MFAP3L: variants seen among roughly 807,000 people sequenced by gnomAD.
MFAP3L encodes microfibril associated protein 3 like.
A neutral mutation model predicts 20.0 loss-of-function variants in MFAP3L; 5 were observed. That is an observed-to-expected ratio of 0.25 (90% CI 0.13 to 0.53). MFAP3L has a LOEUF of 0.53. Ranked by LOEUF, MFAP3L falls within the 20% of genes least tolerant of loss-of-function variation. The pLI is 0.96. For synonymous variants in MFAP3L, 219 were observed against 213.0 expected, an observed-to-expected ratio of 1.03 and a Z score of -0.25; for missense variants, 409 against 527.5, an observed-to-expected ratio of 0.78 and a Z score of 2.20.
chr4:170,020,934 T>A (rs1356798821), intron 1 of MFAP3L, among the ~76,000 whole-genome samples: 2 of 152,110 alleles, frequency 1.3e-5, no homozygotes, highest in African/African-American at 4.8e-5. Flanking sequence ...TCTCAGGTTG[T>A]CACTACCTGT....
At chr4:170,019,494 T>C (rs1319441916) in intron 1 of MFAP3L, among the ~76,000 whole-genome samples, 2 of 152,092 alleles carry the variant, frequency 1.3e-5, no homozygotes, top group Admixed American at 6.5e-5. Context: ...CAGTGAGCCA[T>C]GATCATGCCA....
chr4:170,010,456 C>G (rs1739303559), intron 1 of MFAP3L, among the ~76,000 whole-genome samples: 1 of 151,994 alleles, frequency 6.6e-6, no homozygotes, highest in African/African-American at 2.4e-5. Context: ...ACTGAGTGTG[C>G]CTGCCTCTCC....
intron 1 of MFAP3L, among the ~76,000 whole-genome samples, chr4:170,015,098 G>A (rs770314982): frequency 1.1e-4 from 16 of 152,276 alleles, no homozygotes; most frequent in Non-Finnish European, 1.3e-4. Flanking sequence ...GATGGGTTGG[G>A]CTCTGAGGTT....
rs1737292587 is a variant in MFAP3L, at chr4:169,986,618, C to A, written c.*4760G>T. The A allele has an allele frequency of 6.6e-6, 1 of 152,166 alleles. No individual in the cohort carries two copies. The highest frequency in any genetic ancestry group is 2.4e-5 in the African/African-American group (1 of 41,430). The allele number at this position is 152,166 out of a possible 1,614,324, so 9.4% of individuals were successfully genotyped here. On this transcript the variant is annotated 3_prime_UTR_variant, in exon 3 of 3. Transcript: ENST00000361618. ...CACATTCCACACAGCTGTGCAAACC[C>A]TTTATTAAAGCATCAATCAAAATAC...
chr4:169,994,536 AAT>A (rs1737991741), intron 2 of MFAP3L: 1 of 974,902 alleles, frequency 1.0e-6, no homozygotes, highest in African/African-American at 1.8e-5. Context: ...AATATTTAAA[AAT>A]GTTTCTGAAC....
chr4:170,022,856 C>T (rs116832830), intron 1 of MFAP3L, among the ~76,000 whole-genome samples: 2,388 of 152,248 alleles, frequency 0.016, 60 homozygotes, highest in African/African-American at 0.055. Flanking sequence ...GAACAAGGCC[C>T]TGCAGAGTCT....
upstream of MFAP3L, chr4:170,026,565 G>C (rs1483977065): frequency 6.6e-6 from 1 of 151,232 alleles, no homozygotes; most frequent in South Asian, 1.9e-4. Context: ...AGTCGGTGCT[G>C]CGGAGCGGCC....
intron 2 of MFAP3L, among the ~76,000 whole-genome samples, chr4:170,003,180 C>T (rs182539519): frequency 6.5e-4 from 99 of 152,244 alleles, no homozygotes; most frequent in East Asian, 1.2e-3. Context: ...ACTAGTATCA[C>T]GAGTTCTTTT....
chr4:170,004,475 T>C (rs1295071868), intron 2 of MFAP3L, among the ~76,000 whole-genome samples: 1 of 152,184 alleles, frequency 6.6e-6, no homozygotes, highest in Non-Finnish European at 1.5e-5. Context: ...AAAAGCAATG[T>C]AAGTGACAGC....
At chr4:170,015,404 C>T (rs1175733611) in intron 1 of MFAP3L, among the ~76,000 whole-genome samples, 1 of 152,142 alleles carries the variant, frequency 6.6e-6, no homozygotes, top group East Asian at 1.9e-4. Context: ...GTTCTTGGTG[C>T]ACTGCTAAAA....
chr4:170,018,320 G>C (rs1399362725), intron 1 of MFAP3L, among the ~76,000 whole-genome samples: 1 of 152,234 alleles, frequency 6.6e-6, no homozygotes, highest in Admixed American at 6.5e-5. Context: ...GTTTTTGCAA[G>C]CATCATGCAG....
At chr4:170,021,828 T>C (rs1740055239) in intron 1 of MFAP3L, among the ~76,000 whole-genome samples, 1 of 152,214 alleles carries the variant, frequency 6.6e-6, no homozygotes, top group African/African-American at 2.4e-5. Context: ...GTTTATGTAG[T>C]ATTATAGCTG....
chr4:169,991,562 G>C lies in MFAP3L; in HGVS notation c.1046C>G (p.Ser349Trp). 1.2e-6 allele frequency: 2 copies of C among 1,614,152 alleles called. No individual in the cohort carries two copies. Among genetic ancestry groups the C allele is most frequent in the Non-Finnish European group, 1.7e-6 (2 of 1,180,026 alleles). The change falls in exon 3 of 3, where the codon TCG becomes TGG. Residue 349 changes from serine to tryptophan, a missense_variant. By Grantham distance (177) the Ser-to-Trp change is radical (BLOSUM62 -3). Around this residue, in one of 3 missense-constraint regions of MFAP3L, gnomAD observed 169 missense variants for 178.2 expected, o/e 0.95. Transcript: ENST00000361618. This position sits in a 1 kb window ranked among gnomAD's most constrained non-coding sequence, Gnocchi z 4.9. Reference sequence around the variant, plus strand: ...TGCAGTTTCGGGGGAATGTTCCGCCGACAGTTCTGTCTCCTCTACATCTTT... The same window carrying C: ...TGCAGTTTCGGGGGAATGTTCCGCCCACAGTTCTGTCTCCTCTACATCTTT... ...EVKDVEETEL[S>W]AEHSPETAEP... is the part of the protein sequence containing the mutation.
intron 2 of MFAP3L, among the ~76,000 whole-genome samples, chr4:170,002,711 T>C (rs1370286131): frequency 6.6e-6 from 1 of 152,058 alleles, no homozygotes; most frequent in African/African-American, 2.4e-5. Context: ...GGTTTCACCA[T>C]GTTGGCCAGG....
Position 169,992,008 on chromosome 4 carries a change from C to T in MFAP3L, c.600G>A (p.Lys200=), listed in dbSNP as rs1438928105. 3.7e-6 allele frequency: 6 copies of T among 1,614,068 alleles called. No homozygotes were observed. Among genetic ancestry groups the T allele is most frequent in the Non-Finnish European group, 5.1e-6 (6 of 1,180,052 alleles). The change falls in exon 3 of 3, where the codon AAG becomes AAA. Residue 200 remains lysine (K), a synonymous_variant. Coordinates refer to ENST00000361618, the MANE Select transcript of MFAP3L (RefSeq NM_021647.8). This position sits in a 1 kb window ranked among gnomAD's most constrained non-coding sequence, Gnocchi z 4.3. The part of the protein sequence containing the change: ...FRTEGAEKLQ[K]AFEIAKRIPI... ...GGATGCGCTTGGCGATCTCAAATGC[C>T]TTCTGCAGCTTCTCTGCACCTTCGG...
At chr4:169,996,755 C>G (rs1168062923) in intron 2 of MFAP3L, among the ~76,000 whole-genome samples, 2 of 152,158 alleles carry the variant, frequency 1.3e-5, no homozygotes, top group East Asian at 3.9e-4. Flanking sequence ...AGCTTTATAT[C>G]TATCCTGCAG....
chr4:170,008,189 T>C (rs1739166181), intron 1 of MFAP3L, among the ~76,000 whole-genome samples: 1 of 152,114 alleles, frequency 6.6e-6, no homozygotes, highest in South Asian at 2.1e-4. Context: ...GACTTTCGTT[T>C]TATGCAGGGA....
chr4:170,004,611 A>G (rs1302584540), intron 2 of MFAP3L, among the ~76,000 whole-genome samples: 1 of 152,232 alleles, frequency 6.6e-6, no homozygotes, highest in Non-Finnish European at 1.5e-5. Flanking sequence ...AAGGAGATAT[A>G]CAGCATTAGC....
chr4:170,005,369 T>C (rs1738960365), intron 2 of MFAP3L: 2 of 606,046 alleles, frequency 3.3e-6, no homozygotes, highest in Admixed American at 3.1e-5. Context: ...GACTTCTGTG[T>C]TTGTCCTTTG....
Sources: gnomAD v4.1 joint callset for allele counts (sites outside exome capture counted in the v4.1 genomes callset) on GRCh38, gnomAD v4.1.1 for gene constraint, gnomAD v4.1.1 regional missense constraint, Gnocchi (gnomAD v3.1) non-coding constraint, MANE v1.5 for transcripts, NCBI Gene and HGNC (gene_info 2026-07-23, HGNC 2026-07-21) for gene names.